Variants in FUT9 observed in about 807,000 individuals in gnomAD.
The protein encoded by FUT9 is fucosyltransferase 9.
Under a neutral mutation model 29.7 loss-of-function variants are expected in FUT9, and 15 were observed. The observed-to-expected ratio is 0.51, with a 90% CI of 0.34 to 0.78. The LOEUF (loss-of-function observed/expected upper bound fraction) is 0.78. Among genes scored for constraint, FUT9 ranks in the 30% least tolerant of loss-of-function variants. The probability of loss-of-function intolerance (pLI) is 0.01; values close to 1 mark genes in which losing one functional copy is unlikely to be tolerated. For missense variants in FUT9, 319 were observed against 425.4 expected (o/e 0.75, Z 2.20); for synonymous variants, 169 against 153.7 (o/e 1.10, Z -0.74).
At position 96,212,097 on chromosome 6, in the gene FUT9, C is replaced by G; in HGVS notation, c.*7862C>G. 2.4e-6 allele frequency: 1 copy of G among 412,546 alleles called. No homozygotes were observed. The highest frequency in any genetic ancestry group is 4.4e-5 in the Admixed American group (1 of 22,668). 25.6% of individuals were successfully genotyped at this position (412,546 alleles called of 1,614,324 possible). A position where few individuals can be genotyped will look rare whatever the true frequency, so the allele number is the denominator to read the frequency against. Reference sequence around the variant, plus strand: ...AATGAGGGTTCAGGAAATAGAAAGGCAGTCTCTGCAGAAGCAGTATCCAAA... The same window carrying G: ...AATGAGGGTTCAGGAAATAGAAAGGGAGTCTCTGCAGAAGCAGTATCCAAA... On this transcript the variant is annotated 3_prime_UTR_variant, in exon 3 of 3. Transcript: ENST00000302103.
At chr6:96,071,703 A>T (rs1405483573) in intron 1 of FUT9, among the ~76,000 whole-genome samples, 7 of 152,184 alleles carry the variant, frequency 4.6e-5, no homozygotes, top group Admixed American at 3.9e-4. Flanking sequence ...TGTCACTAAG[A>T]TCTCTTCTAT....
At chr6:96,201,510 G>T (rs577871748) in intron 2 of FUT9, among the ~76,000 whole-genome samples, 4 of 151,146 alleles carry the variant, frequency 2.6e-5, no homozygotes, top group African/African-American at 9.7e-5. Flanking sequence ...ATTTTTCTTT[G>T]TATAGCTTCT....
chr6:96,110,815 C>CTATTTTTTATTTAATTATT (rs11283884), intron 1 of FUT9, among the ~76,000 whole-genome samples: 2 of 145,046 alleles, frequency 1.4e-5, no homozygotes, highest in African/African-American at 5.0e-5. Context: ...ACAAATGTGC[C>CTATTTTTTATTTAATTATT]TATTTATTTA....
intron 2 of FUT9, among the ~76,000 whole-genome samples, chr6:96,142,550 G>T (rs4144271): frequency 6.6e-6 from 1 of 151,930 alleles, no homozygotes; most frequent in Admixed American, 6.6e-5. Flanking sequence ...CATTAACTAA[G>T]ATAGCACAAC....
At chr6:96,194,031 C>T (rs1383794242) in intron 2 of FUT9, among the ~76,000 whole-genome samples, 1 of 152,130 alleles carries the variant, frequency 6.6e-6, no homozygotes, top group East Asian at 1.9e-4. Flanking sequence ...GGAAGGGGAA[C>T]ATCACACACC....
In FUT9 at chr6:96,204,280, T is replaced by C. The variant is rs978375081; in HGVS notation, c.*45T>C. On this transcript the variant is annotated 3_prime_UTR_variant, in exon 3 of 3. Transcript: ENST00000302103. The stretch of plus-strand genomic sequence containing the variant: ...ACTTGATAAATATTTTGATGAGATA[T>C]CATCCAAGTATTGAGGATAAGAAGA... 6 of 1,321,918 alleles carry C rather than the reference T, an allele frequency of 4.5e-6. No homozygotes were observed. The highest frequency in any genetic ancestry group is 6.0e-6 in the Non-Finnish European group (6 of 997,226). 81.9% of individuals were successfully genotyped at this position (1,321,918 alleles called of 1,614,324 possible).
chr6:96,035,892 A>G (rs1295123875), intron 1 of FUT9, among the ~76,000 whole-genome samples: 1 of 98,962 alleles, frequency 1.0e-5, no homozygotes, highest in East Asian at 2.3e-4. Flanking sequence ...TATGTTTATT[A>G]TATTAATATA....
intron 1 of FUT9, among the ~76,000 whole-genome samples, 173 bp from the exon 2 acceptor site, chr6:96,113,866 A>AAAT (rs1278161870): frequency 6.6e-6 from 1 of 152,000 alleles, no homozygotes; most frequent in Admixed American, 6.6e-5. Flanking sequence ...AAAAAAAAAA[A>AAAT]AAAAATTTAA....
intron 1 of FUT9, among the ~76,000 whole-genome samples, chr6:96,095,186 C>T (rs1394493518): frequency 6.6e-6 from 1 of 152,118 alleles, no homozygotes; most frequent in Non-Finnish European, 1.5e-5. Flanking sequence ...GCTATAATTT[C>T]ATAAAATAAT....
intron 1 of FUT9, among the ~76,000 whole-genome samples, chr6:96,060,393 C>T (rs1483871611): frequency 3.9e-5 from 6 of 152,076 alleles, no homozygotes; most frequent in Non-Finnish European, 5.9e-5. Context: ...AAATACAGAA[C>T]AATTATTTTG....
intron 2 of FUT9, among the ~76,000 whole-genome samples, chr6:96,186,268 CA>C (rs1251285285): frequency 6.6e-6 from 1 of 152,036 alleles, no homozygotes; most frequent in African/African-American, 2.4e-5. Context: ...CTTGAAGTTT[CA>C]GAGCTCCTAA....
At chr6:96,071,801 GT>G (rs201255555) in intron 1 of FUT9, among the ~76,000 whole-genome samples, 4 of 151,370 alleles carry the variant, frequency 2.6e-5, no homozygotes, top group Non-Finnish European at 5.9e-5. Flanking sequence ...TAAAATTTAA[GT>G]TTTTTTTTCT....
intron 1 of FUT9, among the ~76,000 whole-genome samples, chr6:96,054,016 A>G (rs1179629015): frequency 6.6e-6 from 1 of 152,222 alleles, no homozygotes; most frequent in African/African-American, 2.4e-5. Flanking sequence ...TTGCTAAATA[A>G]AGCACAGGAT....
intron 1 of FUT9, among the ~76,000 whole-genome samples, chr6:96,024,133 G>T (rs976328895): frequency 1.3e-5 from 2 of 151,808 alleles, no homozygotes; most frequent in Admixed American, 6.6e-5. Context: ...AACTCCATTA[G>T]CTAAATCAGA....
intron 1 of FUT9, among the ~76,000 whole-genome samples, chr6:96,112,602 GA>G (rs1011076163): frequency 2.0e-5 from 3 of 151,874 alleles, no homozygotes; most frequent in South Asian, 2.1e-4. Context: ...CTTTAGGAAA[GA>G]AAAAAAATGC....
intron 1 of FUT9, among the ~76,000 whole-genome samples, chr6:96,087,025 A>G (rs1055414673): frequency 2.0e-5 from 3 of 152,162 alleles, no homozygotes; most frequent in Admixed American, 6.5e-5. Flanking sequence ...ATCAGCAAGG[A>G]GACAAACGTT....
chr6:96,202,229 C>G (rs1215145839), intron 2 of FUT9, among the ~76,000 whole-genome samples: 1 of 151,870 alleles, frequency 6.6e-6, no homozygotes, highest in Non-Finnish European at 1.5e-5. Context: ...AAAAAAAAAG[C>G]CTTCACTCAT....
chr6:96,166,607 A>C (rs1334668560), intron 2 of FUT9, among the ~76,000 whole-genome samples: 3 of 152,238 alleles, frequency 2.0e-5, no homozygotes, highest in African/African-American at 7.2e-5. Flanking sequence ...TATTTCCTAT[A>C]CTTTTTTTAA....
At chr6:96,061,861 A>G (rs1770880144) in intron 1 of FUT9, among the ~76,000 whole-genome samples, 1 of 152,200 alleles carries the variant, frequency 6.6e-6, no homozygotes, top group South Asian at 2.1e-4. Flanking sequence ...ATTCTCCCAG[A>G]GTACTTCTTT....
Sources: gnomAD v4.1 joint callset for allele counts (sites outside exome capture counted in the v4.1 genomes callset) on GRCh38, gnomAD v4.1.1 for gene constraint, MANE v1.5 for transcripts, NCBI Gene and HGNC (gene_info 2026-07-23, HGNC 2026-07-21) for gene names.